Variants in AGO2 observed in about 807,000 individuals in gnomAD.
AGO2 encodes the protein argonaute RISC catalytic component 2.
Under a neutral mutation model 102.3 loss-of-function variants are expected in AGO2, and 5 were observed. The observed-to-expected ratio is 0.05, with a 90% CI of 0.03 to 0.10. The LOEUF (loss-of-function observed/expected upper bound fraction) is 0.10, where lower values mean the gene tolerates loss of function less well. Ranked by LOEUF, AGO2 falls within the 10% of genes least tolerant of loss-of-function variation. The pLI is 1.00. For missense variants in AGO2, 541 were observed against 1,183.7 expected (o/e 0.46, Z 7.97); for synonymous variants, 449 against 473.1 (o/e 0.95, Z 0.66).
intron 1 of AGO2, among the ~76,000 whole-genome samples, chr8:140,606,874 T>C (rs2074004718): frequency 1.3e-5 from 2 of 148,928 alleles, no homozygotes; most frequent in South Asian, 4.3e-4. Context: ...GAGACGGAGG[T>C]TGTGGTGAGC....
chr8:140,583,913 A>G (rs536804721), intron 2 of AGO2, among the ~76,000 whole-genome samples: 1 of 152,208 alleles, frequency 6.6e-6, no homozygotes, highest in Admixed American at 6.5e-5. Flanking sequence ...AGGGTAGCGC[A>G]TTGCTCTACT....
intron 1 of AGO2, among the ~76,000 whole-genome samples, chr8:140,597,803 A>G (rs757757741): frequency 6.6e-6 from 1 of 152,162 alleles, no homozygotes; most frequent in African/African-American, 2.4e-5. Context: ...ATAAATGTCT[A>G]TTTTTATCAG....
At chr8:140,588,449 T>A (rs1242195388) in intron 1 of AGO2, among the ~76,000 whole-genome samples, 3 of 152,144 alleles carry the variant, frequency 2.0e-5, no homozygotes, top group Non-Finnish European at 4.4e-5. Flanking sequence ...TATCTTAATT[T>A]AAAAATACTT....
chr8:140,535,984 C>A (rs570869082), intron 16 of AGO2, among the ~76,000 whole-genome samples: 1 of 152,324 alleles, frequency 6.6e-6, no homozygotes, highest in African/African-American at 2.4e-5. Context: ...CACAAGCACA[C>A]CGGCGCTCCA....
At chr8:140,621,366 T>C (rs2074216001) in intron 1 of AGO2, among the ~76,000 whole-genome samples, 1 of 152,208 alleles carries the variant, frequency 6.6e-6, no homozygotes, top group Non-Finnish European at 1.5e-5. Context: ...TCCATGGATT[T>C]GTGAGTGACT....
chr8:140,611,987 G>A (rs976812921), intron 1 of AGO2, among the ~76,000 whole-genome samples: 5 of 152,124 alleles, frequency 3.3e-5, no homozygotes, highest in Admixed American at 1.3e-4. Context: ...CACTTTGGGA[G>A]GCCGAGGCGG....
rs541870028 is a variant in AGO2, at chr8:140,547,251, C to T, written c.1748+217G>A. On this transcript the variant is annotated intron_variant, in intron 13 of 18. Coordinates refer to ENST00000220592, the MANE Select transcript of AGO2 (RefSeq NM_012154.5). The stretch of plus-strand genomic sequence containing the variant: ...GCACAAATTTCTCTGTCTGGAAACC[C>T]GGCCACAGTGCTCAAACTCCTGCAG... Among the ~76,000 whole-genome samples the T allele has an allele frequency of 1.5e-3, 235 of 152,348 alleles. 3 individuals are homozygous for T. The South Asian group carries it at 0.023, about 15-fold the overall frequency.
At chr8:140,604,587 G>A (rs2073969938) in intron 1 of AGO2, among the ~76,000 whole-genome samples, 3 of 152,198 alleles carry the variant, frequency 2.0e-5, no homozygotes, top group Admixed American at 2.0e-4. Context: ...AGCACTTTGT[G>A]AGGCCGAGAT....
At chr8:140,585,093 A>G (rs2073632451) in intron 2 of AGO2, 26 bp downstream of exon 2, 1 of 1,601,306 alleles carries the variant, frequency 6.2e-7, no homozygotes. Flanking sequence ...CCACTTACAC[A>G]GGTCATGAAG....
rs923087724 is a variant in AGO2 at position 140,568,119 on chromosome 8, A to G, written c.336+4693T>C. On this transcript the variant is annotated intron_variant, in intron 3 of 18. Coordinates refer to ENST00000220592, the MANE Select transcript of AGO2 (RefSeq NM_012154.5). ...CTAAAAATACAAAAAAAAAAAAAAAAAAAAAGAAAAGAAAATTAGCCGGGC... is the reference window on the plus strand; with the variant it reads ...CTAAAAATACAAAAAAAAAAAAAAAGAAAAAGAAAAGAAAATTAGCCGGGC... 4.0e-5 allele frequency among the ~76,000 whole-genome samples: 6 copies of G among 151,044 alleles called. No individual in the cohort carries two copies. The East Asian group carries it at 5.8e-4, about 15-fold the overall frequency.
chr8:140,568,833 G>A (rs1004770234), intron 3 of AGO2, among the ~76,000 whole-genome samples: 1 of 152,222 alleles, frequency 6.6e-6, no homozygotes, highest in African/African-American at 2.4e-5. Flanking sequence ...TTAGGGCTCG[G>A]CACCACCTCC....
At chr8:140,633,617 C>T (rs778065654) in intron 1 of AGO2, among the ~76,000 whole-genome samples, 1 of 152,168 alleles carries the variant, frequency 6.6e-6, no homozygotes, top group Non-Finnish European at 1.5e-5. Flanking sequence ...CCTGAAGCCC[C>T]GCTGTCAATG....
chr8:140,541,081 A>C (rs1042996738), intron 15 of AGO2, 83 bp downstream of exon 15: 56 of 1,385,294 alleles, frequency 4.0e-5, no homozygotes, highest in Non-Finnish European at 4.8e-5. Context: ...CATTCTTGCC[A>C]TTCATCGAGC....
At chr8:140,544,899 G>C (rs1169298516) in intron 13 of AGO2, among the ~76,000 whole-genome samples, 1 of 152,218 alleles carries the variant, frequency 6.6e-6, no homozygotes, top group Non-Finnish European at 1.5e-5. Context: ...AGCACGCACA[G>C]GGGCAAGGAC....
At chr8:140,543,923 G>A (rs921770450) in intron 14 of AGO2, among the ~76,000 whole-genome samples, 2 of 152,172 alleles carry the variant, frequency 1.3e-5, no homozygotes, top group African/African-American at 4.8e-5. Flanking sequence ...GCTACCACCC[G>A]CCAGTCAGGC....
chr8:140,611,391 G>A (rs1490929667), intron 1 of AGO2, among the ~76,000 whole-genome samples: 2 of 151,220 alleles, frequency 1.3e-5, no homozygotes, highest in African/African-American at 2.4e-5. Flanking sequence ...ACAGTGGCAC[G>A]ATCTCAATTC....
At chr8:140,570,763 T>C (rs1009528723) in intron 3 of AGO2, among the ~76,000 whole-genome samples, 4 of 152,128 alleles carry the variant, frequency 2.6e-5, no homozygotes, top group Non-Finnish European at 1.5e-5. Context: ...GTGCCCCAGG[T>C]CCCACCACAG....
At chr8:140,535,311 C>G in intron 17 of AGO2, 157 bp downstream of exon 17, 1 of 726,826 alleles carries the variant, frequency 1.4e-6, no homozygotes, top group South Asian at 1.7e-5. Flanking sequence ...CCCACCCCAG[C>G]GCCTGGCACA....
At chr8:140,609,858 T>A (rs1277585542) in intron 1 of AGO2, among the ~76,000 whole-genome samples, 1 of 146,410 alleles carries the variant, frequency 6.8e-6, no homozygotes, top group African/African-American at 2.5e-5. Context: ...CAGACTACAA[T>A]GGCCAGGCAC....
Sources: allele counts gnomAD v4.1 joint callset (sites outside exome capture counted in the v4.1 genomes callset), GRCh38; gene constraint gnomAD v4.1.1; transcripts MANE v1.5; gene names NCBI Gene and HGNC (gene_info 2026-07-23, HGNC 2026-07-21).